The following LRRTM4 variants were observed in gnomAD, a reference collection of about 807,000 sequenced individuals.
LRRTM4 encodes leucine-rich repeat transmembrane neuronal protein 4.
A neutral mutation model predicts 47.6 loss-of-function variants in LRRTM4; 25 were observed. The observed-to-expected ratio is 0.53, with a 90% CI of 0.38 to 0.73. LRRTM4 has a LOEUF of 0.73. Among genes scored for constraint, LRRTM4 ranks in the 30% least tolerant of loss-of-function variants. LRRTM4 has a pLI of 0.00. For synonymous variants in LRRTM4, 311 were observed against 269.5 expected, an observed-to-expected ratio of 1.15 and a Z score of -1.51; for missense variants, 638 against 713.4, an observed-to-expected ratio of 0.89 and a Z score of 1.20.
chr2:76,875,353 T>C lies in LRRTM4; in HGVS notation c.1552-126437A>G, dbSNP rs137855971. Among the ~76,000 whole-genome samples, 642 of 152,264 alleles carry C rather than the reference T, an allele frequency of 4.2e-3. 7 individuals are homozygous for C. The highest frequency in any genetic ancestry group is 0.015 in the African/African-American group (608 of 41,568). On this transcript the variant is annotated intron_variant, in intron 3 of 3. Coordinates refer to ENST00000409884, the MANE Select transcript of LRRTM4 (RefSeq NM_001134745.3). ...TTTCTCCTTCCTTAATACTTCTATATGGTTTACATAAACTTTGTATGTGAC... is the reference window on the plus strand; with the variant it reads ...TTTCTCCTTCCTTAATACTTCTATACGGTTTACATAAACTTTGTATGTGAC...
intron 3 of LRRTM4, among the ~76,000 whole-genome samples, chr2:77,344,319 G>C (rs746329538): frequency 6.6e-6 from 1 of 151,690 alleles, no homozygotes; most frequent in Non-Finnish European, 1.5e-5. Context: ...TGATGCTTTA[G>C]GAAGAAGGGT....
chr2:76,896,166 G>A (rs897085463), intron 3 of LRRTM4, among the ~76,000 whole-genome samples: 2 of 151,918 alleles, frequency 1.3e-5, no homozygotes, highest in East Asian at 1.9e-4. Flanking sequence ...TATTTAAAGT[G>A]TCTTACACTG....
chr2:77,166,793 A>C (rs1042896858), intron 3 of LRRTM4, among the ~76,000 whole-genome samples: 2 of 152,192 alleles, frequency 1.3e-5, no homozygotes, highest in Non-Finnish European at 2.9e-5. Context: ...TACACCTTAT[A>C]CAAAAATTAA....
chr2:76,945,842 T>A (rs1675306050), intron 3 of LRRTM4, among the ~76,000 whole-genome samples: 2 of 151,962 alleles, frequency 1.3e-5, no homozygotes, highest in Non-Finnish European at 2.9e-5. Flanking sequence ...ACAAAACTGG[T>A]TTATGACTTA....
At chr2:77,146,012 T>C (rs919250663) in intron 3 of LRRTM4, among the ~76,000 whole-genome samples, 1 of 152,056 alleles carries the variant, frequency 6.6e-6, no homozygotes. Context: ...CTGCTTCAGG[T>C]TGGGTAAACA....
intron 3 of LRRTM4, among the ~76,000 whole-genome samples, chr2:77,206,282 G>A (rs1674124586): frequency 6.6e-6 from 1 of 151,250 alleles, no homozygotes. Flanking sequence ...GGGTTCAAGC[G>A]ATTTTTGTGC....
In LRRTM4 at chr2:77,213,945, A is replaced by C. The variant is rs564637297; in HGVS notation, c.1551+304373T>G. ...TTAGGCATTCAGCTCCTGCATTAAAAAAAATCAAAACAAACAAACAAAAGA... is the reference window on the plus strand; with the variant it reads ...TTAGGCATTCAGCTCCTGCATTAAACAAAATCAAAACAAACAAACAAAAGA... On this transcript the variant is annotated intron_variant, in intron 3 of 3. Transcript: ENST00000409884. 2.0e-5 allele frequency among the ~76,000 whole-genome samples: 3 copies of C among 152,242 alleles called. No homozygotes were observed. In the Middle Eastern group the frequency reaches 0.01, roughly 518 times the overall value.
At chr2:77,346,428 T>C (rs553174883) in intron 3 of LRRTM4, among the ~76,000 whole-genome samples, 3 of 152,108 alleles carry the variant, frequency 2.0e-5, no homozygotes, top group African/African-American at 7.2e-5. Context: ...GCCAAAACAA[T>C]GACGGATAGA....
intron 3 of LRRTM4, among the ~76,000 whole-genome samples, chr2:77,307,136 G>A (rs962210948): frequency 4.3e-4 from 65 of 151,794 alleles, no homozygotes; most frequent in African/African-American, 1.4e-3. Flanking sequence ...TCCTGACCTC[G>A]TGATCCGCCC....
At chr2:77,432,240 C>T (rs1390670276) in intron 3 of LRRTM4, among the ~76,000 whole-genome samples, 1 of 152,174 alleles carries the variant, frequency 6.6e-6, no homozygotes, top group Non-Finnish European at 1.5e-5. Flanking sequence ...CATAGCCCTG[C>T]CCCTGTGACT....
rs369638878 is a variant in LRRTM4, at chr2:77,352,327, A to T, written c.1551+165991T>A. 4.7e-4 allele frequency among the ~76,000 whole-genome samples: 72 copies of T among 152,272 alleles called. 1 individual carries two copies. In the South Asian group the frequency reaches 0.014, roughly 31 times the overall value. On this transcript the variant is annotated intron_variant, in intron 3 of 3. Coordinates refer to ENST00000409884, the MANE Select transcript of LRRTM4 (RefSeq NM_001134745.3). ...TCAGATGGCCAGAGGAAAATTTGTT[A>T]GTTTCCTACATTTGACTGCAATGAA... is the stretch of plus-strand genomic sequence containing the variant.
At chr2:76,789,064 C>T (rs931239778) in intron 3 of LRRTM4, among the ~76,000 whole-genome samples, 1 of 152,146 alleles carries the variant, frequency 6.6e-6, no homozygotes, top group African/African-American at 2.4e-5. Flanking sequence ...TTTTCTATTA[C>T]AAAATGATTC....
chr2:77,099,345 T>G (rs1044778057), intron 3 of LRRTM4, among the ~76,000 whole-genome samples: 1 of 151,978 alleles, frequency 6.6e-6, no homozygotes, highest in Non-Finnish European at 1.5e-5. Flanking sequence ...AAAACATGAT[T>G]AGACCCAAAA....
intron 3 of LRRTM4, among the ~76,000 whole-genome samples, chr2:76,758,749 T>C (rs1205865795): frequency 6.6e-6 from 1 of 152,114 alleles, no homozygotes; most frequent in Non-Finnish European, 1.5e-5. Context: ...TAATAGTTCA[T>C]TTATTTATGT....
At chr2:77,136,567 G>T (rs768577186) in intron 3 of LRRTM4, among the ~76,000 whole-genome samples, 4 of 152,138 alleles carry the variant, frequency 2.6e-5, no homozygotes, top group Non-Finnish European at 5.9e-5. Flanking sequence ...AAATCAGAGC[G>T]CCTCTCCCCT....
intron 3 of LRRTM4, among the ~76,000 whole-genome samples, chr2:77,180,778 G>A (rs189233585): frequency 1.7e-3 from 258 of 152,216 alleles, no homozygotes; most frequent in South Asian, 0.012. Flanking sequence ...ATGTGAAAGA[G>A]ATACCACAAA....
chr2:77,370,710 A>G (rs1672626379), intron 3 of LRRTM4, among the ~76,000 whole-genome samples: 1 of 151,730 alleles, frequency 6.6e-6, no homozygotes, highest in Non-Finnish European at 1.5e-5. Flanking sequence ...AGCAGAGAAC[A>G]TTGGCTTTAT....
intron 3 of LRRTM4, among the ~76,000 whole-genome samples, chr2:76,958,463 T>A (rs1675750057): frequency 2.0e-5 from 3 of 151,946 alleles, no homozygotes; most frequent in South Asian, 4.1e-4. Flanking sequence ...TATTGCTGAA[T>A]GTTCCAGATA....
chr2:77,242,088 G>C lies in LRRTM4; in HGVS notation c.1551+276230C>G, dbSNP rs1483424676. Among the ~76,000 whole-genome samples the C allele has an allele frequency of 2.0e-5, 3 of 151,984 alleles. No individual in the cohort carries two copies. In the East Asian group the frequency reaches 5.8e-4, roughly 29 times the overall value. ...TCTGGAAATATGAAACCTCAGCATT[G>C]TTCTTCCTTTTAAAGATTATTTGGT... On this transcript the variant is annotated intron_variant, in intron 3 of 3. Transcript: ENST00000409884.
Sources: allele counts gnomAD v4.1 joint callset (sites outside exome capture counted in the v4.1 genomes callset), GRCh38; gene constraint gnomAD v4.1.1; transcripts MANE v1.5; gene names NCBI Gene and HGNC (gene_info 2026-07-23, HGNC 2026-07-21).